Variants in CSGALNACT1 observed in about 807,000 individuals in gnomAD.
CSGALNACT1 encodes the protein chondroitin sulfate N-acetylgalactosaminyltransferase 1, also known as beta4GalNAcT-1.
A neutral mutation model predicts 51.0 loss-of-function variants in CSGALNACT1; 52 were observed. The ratio of observed to expected loss-of-function variants is 1.02; its 90% CI spans 0.82 to 1.29. The LOEUF is 1.29. Among genes scored for constraint, CSGALNACT1 ranks in the 50% most tolerant of loss-of-function variants. The probability of loss-of-function intolerance (pLI) is 0.00; values close to 1 mark genes in which losing one functional copy is unlikely to be tolerated. For synonymous variants in CSGALNACT1, 341 were observed against 254.4 expected (o/e 1.34, Z -3.24); for missense variants, 935 against 679.2 (o/e 1.38, Z -4.19).
At chr8:19,547,017 A>G (rs961493615) in intron 3 of CSGALNACT1, among the ~76,000 whole-genome samples, 1 of 152,170 alleles carries the variant, frequency 6.6e-6, no homozygotes, top group African/African-American at 2.4e-5. Context: ...TTTTCCAGAA[A>G]CACCGTCTGA....
At chr8:19,555,249 A>G (rs2089434933) in intron 3 of CSGALNACT1, among the ~76,000 whole-genome samples, 1 of 152,098 alleles carries the variant, frequency 6.6e-6, no homozygotes, top group Non-Finnish European at 1.5e-5. Context: ...AAAAAAATTA[A>G]AAAAAAGAAA....
At chr8:19,416,958 G>C (rs1480937308) in intron 8 of CSGALNACT1, among the ~76,000 whole-genome samples, 1 of 151,992 alleles carries the variant, frequency 6.6e-6, no homozygotes, top group Non-Finnish European at 1.5e-5. Context: ...TGCCTCCCAG[G>C]CTCAAGCGAT....
At chr8:19,452,368 G>A (rs2063324779) in intron 5 of CSGALNACT1, among the ~76,000 whole-genome samples, 1 of 151,852 alleles carries the variant, frequency 6.6e-6, no homozygotes, top group Non-Finnish European at 1.5e-5. Context: ...TAATGAAAGT[G>A]GAGAGGGAAG....
At chr8:19,584,163 C>T (rs2046161547) in intron 3 of CSGALNACT1, among the ~76,000 whole-genome samples, 1 of 152,196 alleles carries the variant, frequency 6.6e-6, no homozygotes, top group Non-Finnish European at 1.5e-5. Context: ...GATCACCTAC[C>T]TCTGCTGTTT....
intron 2 of CSGALNACT1, among the ~76,000 whole-genome samples, chr8:19,601,447 C>T (rs1034615548): frequency 2.0e-5 from 3 of 152,170 alleles, no homozygotes; most frequent in Non-Finnish European, 4.4e-5. Flanking sequence ...TGTAAGCGAA[C>T]TGTTTCAAAA....
chr8:19,497,549 C>T (rs1284102052), intron 4 of CSGALNACT1, among the ~76,000 whole-genome samples: 1 of 152,122 alleles, frequency 6.6e-6, no homozygotes, highest in African/African-American at 2.4e-5. Context: ...TTAAAACAAC[C>T]ATGAATAATA....
At chr8:19,569,338 C>T (rs973287430) in intron 3 of CSGALNACT1, among the ~76,000 whole-genome samples, 1 of 152,184 alleles carries the variant, frequency 6.6e-6, no homozygotes, top group Non-Finnish European at 1.5e-5. Context: ...ACTCACACTG[C>T]TGATGGACTA....
chr8:19,604,914 C>CAAAAA (rs576342135), upstream of CSGALNACT1, among the ~76,000 whole-genome samples: 23 of 64,452 alleles, frequency 3.6e-4, no homozygotes, highest in African/African-American at 1.0e-3. Context: ...GACTCTGTCT[C>CAAAAA]AAAAAAAAAA....
At chr8:19,539,271 T>C (rs1163468143) in intron 3 of CSGALNACT1, among the ~76,000 whole-genome samples, 1 of 152,186 alleles carries the variant, frequency 6.6e-6, no homozygotes, top group Non-Finnish European at 1.5e-5. Flanking sequence ...TCATATGTAT[T>C]AGATATCCAA....
intron 1 of CSGALNACT1, among the ~76,000 whole-genome samples, chr8:19,693,028 G>T (rs1317752495): frequency 6.6e-6 from 1 of 152,194 alleles, no homozygotes; most frequent in Non-Finnish European, 1.5e-5. Flanking sequence ...CAGCACACCT[G>T]CCAGGAGTCT....
intron 3 of CSGALNACT1, among the ~76,000 whole-genome samples, chr8:19,532,184 CAT>C (rs536264898): frequency 9.9e-5 from 14 of 141,160 alleles, no homozygotes; most frequent in Non-Finnish European, 1.9e-4. Context: ...AAAAAAAAAA[CAT>C]GTTTGTTTGC....
chr8:19,420,643 A>G (rs1324444857), intron 6 of CSGALNACT1, 125 bp from the exon 6 acceptor site: 1 of 998,392 alleles, frequency 1.0e-6, no homozygotes, highest in African/African-American at 1.6e-5. Flanking sequence ...GGGCACTGGG[A>G]CTCCCCAAGA....
chr8:19,497,541 A>G (rs1309209997), intron 4 of CSGALNACT1, among the ~76,000 whole-genome samples: 1 of 152,228 alleles, frequency 6.6e-6, no homozygotes, highest in Non-Finnish European at 1.5e-5. Context: ...CGGAGAATTT[A>G]AAACAACCAT....
rs144172334 is a variant in CSGALNACT1 at position 19,529,646 on chromosome 8, C to T, written c.-296-23516G>A. On this transcript the variant is annotated intron_variant, in intron 3 of 9. Transcript: ENST00000454498. ...GGGAAAATGTGTCTATTCATTAAAA[C>T]TTCAAATACACACACACATACACCC... is the stretch of plus-strand genomic sequence containing the variant. 5.3e-5 allele frequency among the ~76,000 whole-genome samples: 8 copies of T among 152,224 alleles called. No individual in the cohort carries two copies. The East Asian group carries it at 1.3e-3, about 26-fold the overall frequency.
intron 1 of CSGALNACT1, among the ~76,000 whole-genome samples, chr8:19,630,516 C>T (rs532262684): frequency 6.6e-6 from 1 of 151,912 alleles, no homozygotes; most frequent in East Asian, 1.9e-4. Flanking sequence ...TTAGGATTCA[C>T]TCTTTGTGGT....
At chr8:19,478,072 A>G (rs2070239850) in intron 4 of CSGALNACT1, among the ~76,000 whole-genome samples, 1 of 152,184 alleles carries the variant, frequency 6.6e-6, no homozygotes, top group South Asian at 2.1e-4. Flanking sequence ...GTTAAACAGC[A>G]GTGTGCAACT....
intron 1 of CSGALNACT1, among the ~76,000 whole-genome samples, chr8:19,617,404 G>A (rs1253461569): frequency 6.6e-6 from 1 of 152,084 alleles, no homozygotes; most frequent in African/African-American, 2.4e-5. Context: ...GAAATACCTA[G>A]TCTCAGGTAT....
chr8:19,541,714 C>T (rs1233269531), intron 3 of CSGALNACT1, among the ~76,000 whole-genome samples: 1 of 151,724 alleles, frequency 6.6e-6, no homozygotes, highest in African/African-American at 2.4e-5. Context: ...CTGATACATT[C>T]TTTATTAAGT....
At chr8:19,572,184 T>C (rs1327485329) in intron 3 of CSGALNACT1, among the ~76,000 whole-genome samples, 1 of 152,218 alleles carries the variant, frequency 6.6e-6, no homozygotes, top group Non-Finnish European at 1.5e-5. Flanking sequence ...TTTAAACTTT[T>C]AGAGTTCCAT....
Sources: allele counts gnomAD v4.1 joint callset (sites outside exome capture counted in the v4.1 genomes callset), GRCh38; gene constraint gnomAD v4.1.1; transcripts MANE v1.5; gene names NCBI Gene and HGNC (gene_info 2026-07-23, HGNC 2026-07-21).